The following MPP4 variants were observed in gnomAD, a reference collection of about 807,000 sequenced individuals.
MPP4 encodes the protein MAGUK p55 scaffold protein 4, also known as MAGUK p55 subfamily member 4.
In MPP4, 91 loss-of-function variants were observed where a neutral mutation model predicts 98.3. That is an observed-to-expected ratio of 0.93 (90% CI 0.78 to 1.10). MPP4 has a LOEUF of 1.10. Ranked by LOEUF, MPP4 falls within the 50% of genes least tolerant of loss-of-function variation. MPP4 has a pLI of 0.00. For synonymous variants in MPP4, 261 were observed against 271.8 expected (o/e 0.96, Z 0.39); for missense variants, 744 against 792.9 (o/e 0.94, Z 0.74).
Position 201,654,844 on chromosome 2 carries a change from A to G in MPP4, c.1374T>C (p.Ala458=). The G allele has an allele frequency of 6.2e-7, 1 of 1,601,746 alleles. No individual in the cohort carries two copies. Among genetic ancestry groups the G allele is most frequent in the Non-Finnish European group, 8.5e-7 (1 of 1,173,866 alleles). ...AAGCAGAACTAAACATACGTGGCAC[A>G]GCACTTTGAAAATGGCTGGGATTAA... ...IEFNPSHFQS[A]VPHTTRTKKS... The change falls in exon 18 of 22, where the codon GCT becomes GCC. Residue 458 remains alanine, a synonymous_variant. Coordinates refer to ENST00000409474, the MANE Select transcript of MPP4 (RefSeq NM_033066.3).
In MPP4 at chr2:201,675,958, T is replaced by TG. The variant is rs1055024046; in HGVS notation, c.930-688dup. 7.2e-5 allele frequency among the ~76,000 whole-genome samples: 11 copies of TG among 152,356 alleles called. 1 individual carries two copies. In the South Asian group the frequency reaches 2.3e-3, roughly 32 times the overall value. ...CCAGAACTGCAGCATCACCTTTACCTGGGAGCTTGTGAGGACTGCAGAATC... is the reference window on the plus strand; with the variant it reads ...CCAGAACTGCAGCATCACCTTTACCTGGGGAGCTTGTGAGGACTGCAGAATC... On this transcript the variant is annotated intron_variant, in intron 10 of 21. Transcript: ENST00000409474.
chr2:201,664,147 C>G, intron 13 of MPP4, 46 bp from the exon 14 acceptor site: 1 of 1,520,416 alleles, frequency 6.6e-7, no homozygotes. Context: ...TATTACATGA[C>G]CATCTACACT....
intron 14 of MPP4, among the ~76,000 whole-genome samples, chr2:201,662,718 A>G (rs1026847792): frequency 3.3e-5 from 5 of 152,126 alleles, no homozygotes; most frequent in African/African-American, 1.2e-4. Context: ...TGTTTTGGTA[A>G]GTAATAAAAG....
chr2:201,677,544 C>G (rs946176911), intron 10 of MPP4, among the ~76,000 whole-genome samples: 1 of 152,056 alleles, frequency 6.6e-6, no homozygotes, highest in African/African-American at 2.4e-5. Flanking sequence ...AAAACAAAAC[C>G]CCCCCAGCTA....
At chr2:201,685,177 A>G in intron 6 of MPP4, 32 bp from the exon 7 acceptor site, 1 of 1,555,082 alleles carries the variant, frequency 6.4e-7, no homozygotes, top group Non-Finnish European at 8.8e-7. Context: ...TCCCTCTGTT[A>G]CCTGACATGA....
chr2:201,673,975 C>A (rs973238192), intron 11 of MPP4, among the ~76,000 whole-genome samples: 9 of 152,194 alleles, frequency 5.9e-5, no homozygotes, highest in African/African-American at 2.2e-4. Context: ...GCTCAGCTGG[C>A]CTCTGCCAAG....
chr2:201,675,056 A>T (rs1470910885), intron 11 of MPP4, 151 bp downstream of exon 11: 1 of 925,054 alleles, frequency 1.1e-6, no homozygotes, highest in Admixed American at 2.0e-5. Context: ...AAAACCCCTA[A>T]TCTAGGGCCC....
In MPP4 at chr2:201,689,916, T is replaced by C. The variant is rs1688957078; in HGVS notation, c.279+286A>G. On this transcript the variant is annotated intron_variant, in intron 4 of 21. Coordinates refer to ENST00000409474, the MANE Select transcript of MPP4 (RefSeq NM_033066.3). The stretch of plus-strand genomic sequence containing the variant: ...GATATAAATCCGAGAATTATTACTA[T>C]AACATTACCCTGTTTATGAAGGGCA... Among the ~76,000 whole-genome samples the C allele has an allele frequency of 2.0e-5, 3 of 152,202 alleles. No homozygotes were observed. In the South Asian group the frequency reaches 6.2e-4, roughly 32 times the overall value.
chr2:201,675,119 C>T (rs1197982794), intron 11 of MPP4, 88 bp downstream of exon 11: 1 of 1,363,092 alleles, frequency 7.3e-7, no homozygotes, highest in Non-Finnish European at 1.0e-6. Context: ...GCATGGCCAG[C>T]CTCACATCAA....
Position 201,667,248 on chromosome 2 carries a change from G to A in MPP4, c.1013-876C>T, listed in dbSNP as rs370885873. 1.0e-3 allele frequency among the ~76,000 whole-genome samples: 153 copies of A among 152,248 alleles called. 2 individuals are homozygous for A. The South Asian group carries it at 0.032, about 31-fold the overall frequency. Reference sequence around the variant, plus strand: ...GTTGTCATCTGCTTCTCTCCTTCACGCATCTTACGCTACCATTAGAGTGGA... The same window carrying A: ...GTTGTCATCTGCTTCTCTCCTTCACACATCTTACGCTACCATTAGAGTGGA... On this transcript the variant is annotated intron_variant, in intron 12 of 21. Coordinates refer to ENST00000409474, the MANE Select transcript of MPP4 (RefSeq NM_033066.3).
intron 10 of MPP4, among the ~76,000 whole-genome samples, chr2:201,679,737 A>G (rs1574627022): frequency 6.6e-6 from 1 of 152,184 alleles, no homozygotes; most frequent in African/African-American, 2.4e-5. Flanking sequence ...TATGCCATCT[A>G]AAAATTTCGC....
intron 13 of MPP4, 87 bp downstream of exon 13, chr2:201,666,247 C>G: frequency 3.6e-6 from 4 of 1,118,870 alleles, no homozygotes; most frequent in South Asian, 1.5e-5. Flanking sequence ...GGCCCATGGC[C>G]CCTTTGGACA....
At chr2:201,697,123 G>GTGTTCTCTCTTTCCCT (rs1689211594) in intron 1 of MPP4, among the ~76,000 whole-genome samples, 1 of 152,152 alleles carries the variant, frequency 6.6e-6, no homozygotes, top group African/African-American at 2.4e-5. Context: ...GCCAGATGAT[G>GTGTTCTCTCTTTCCCT]GCACAGTGAA....
chr2:201,669,305 T>C (rs1305246887), intron 12 of MPP4, among the ~76,000 whole-genome samples: 1 of 152,190 alleles, frequency 6.6e-6, no homozygotes, highest in South Asian at 2.1e-4. Context: ...CTTCTCTCAG[T>C]GTCAATCTTT....
chr2:201,694,157 C>T, intron 1 of MPP4, 103 bp from the exon 2 acceptor site: 1 of 1,120,412 alleles, frequency 8.9e-7, no homozygotes, highest in Non-Finnish European at 1.2e-6. Flanking sequence ...GGTGCCTACT[C>T]TTAACCATCA....
rs1455381674 is a variant in MPP4 at position 201,649,566 on chromosome 2, A to G, written c.1584+10T>C. 4 of 1,582,900 alleles carry G rather than the reference A, an allele frequency of 2.5e-6. No homozygotes were observed. The highest frequency in any genetic ancestry group is 1.7e-6 in the Non-Finnish European group (2 of 1,162,054). ...TGTTTGGGGACATAAATATTCCACC[A>G]TGGACCCACCTGAGGCTCTAGGTCC... On this transcript the variant is annotated intron_variant, in intron 20 of 21. Coordinates refer to ENST00000409474, the MANE Select transcript of MPP4 (RefSeq NM_033066.3).
At chr2:201,658,894 T>C (rs1013198427) in intron 15 of MPP4, among the ~76,000 whole-genome samples, 1 of 152,206 alleles carries the variant, frequency 6.6e-6, no homozygotes, top group African/African-American at 2.4e-5. Flanking sequence ...ATAAAGTAGC[T>C]TTTTGTTCTT....
chr2:201,692,299 T>G (rs1268068915), intron 3 of MPP4, among the ~76,000 whole-genome samples: 1 of 152,098 alleles, frequency 6.6e-6, no homozygotes, highest in East Asian at 1.9e-4. Flanking sequence ...ATCCCAGCAC[T>G]TTGGGAAGCT....
intron 16 of MPP4, 73 bp from the exon 17 acceptor site, chr2:201,656,441 T>C: frequency 2.9e-6 from 4 of 1,366,944 alleles, no homozygotes; most frequent in Non-Finnish European, 4.0e-6. Flanking sequence ...CCTGATGAAA[T>C]ATGTAGCAAC....
Sources: allele counts gnomAD v4.1 joint callset (sites outside exome capture counted in the v4.1 genomes callset), GRCh38; gene constraint gnomAD v4.1.1; transcripts MANE v1.5; gene names NCBI Gene and HGNC (gene_info 2026-07-23, HGNC 2026-07-21).